Variants in IQSEC1 observed in about 807,000 individuals in gnomAD.
IQSEC1 encodes the protein IQ motif and Sec7 domain ArfGEF 1, also known as IQ motif and SEC7 domain-containing protein 1.
A neutral mutation model predicts 91.0 loss-of-function variants in IQSEC1; 31 were observed. That is an observed-to-expected ratio of 0.34 (90% CI 0.26 to 0.46). The LOEUF is 0.46. Among genes scored for constraint, IQSEC1 ranks in the 20% least tolerant of loss-of-function variants. The probability of loss-of-function intolerance (pLI) is 1.00; values close to 1 mark genes in which losing one functional copy is unlikely to be tolerated. For missense variants in IQSEC1, 1,388 were observed against 1,575.6 expected (o/e 0.88, Z 2.02); for synonymous variants, 699 against 662.6 (o/e 1.05, Z -0.84).
Position 12,909,535 on chromosome 3 carries a change from G to T in IQSEC1, c.2417-101C>A. ...ACAATGGTAGGGCTGAGTTGTGCGTGAGCCTGGGATAAGTGCCGGGAGTCC... is the reference window on the plus strand; with the variant it reads ...ACAATGGTAGGGCTGAGTTGTGCGTTAGCCTGGGATAAGTGCCGGGAGTCC... On this transcript the variant is annotated intron_variant, in intron 10 of 13. Transcript: ENST00000613206. This position sits in a 1 kb window ranked among gnomAD's most constrained non-coding sequence, Gnocchi z 4.9. 1 of 1,238,914 alleles carries T rather than the reference G, an allele frequency of 8.1e-7. No individual in the cohort carries two copies. The highest frequency in any genetic ancestry group is 1.1e-6 in the Non-Finnish European group (1 of 875,676). The allele number at this position is 1,238,914 out of a possible 1,614,324, so 76.7% of individuals were successfully genotyped here.
chr3:13,098,800 G>A (rs1706008251), intron 2 of IQSEC1, among the ~76,000 whole-genome samples: 1 of 152,224 alleles, frequency 6.6e-6, no homozygotes, highest in African/African-American at 2.4e-5. Context: ...TAGGGGAAGA[G>A]GAAGTGGGAA....
intron 1 of IQSEC1, among the ~76,000 whole-genome samples, chr3:12,965,533 C>A (rs577350635): frequency 9.8e-5 from 15 of 152,330 alleles, no homozygotes; most frequent in South Asian, 4.1e-4. Context: ...GAGGCTGATG[C>A]GTGAACTATG....
At chr3:13,055,661 AC>A (rs1370628838) in intron 1 of IQSEC1, among the ~76,000 whole-genome samples, 1 of 152,238 alleles carries the variant, frequency 6.6e-6, no homozygotes, top group Non-Finnish European at 1.5e-5. Context: ...AGAAAGTAAT[AC>A]CAGGAGATAG....
intron 1 of IQSEC1, among the ~76,000 whole-genome samples, chr3:12,998,669 G>A (rs1702310611): frequency 6.6e-6 from 1 of 152,126 alleles, no homozygotes; most frequent in African/African-American, 2.4e-5. Context: ...TAAAAAAAAA[G>A]AGGGGGTATA....
intron 2 of IQSEC1, among the ~76,000 whole-genome samples, chr3:13,125,458 C>T (rs1370456253): frequency 1.3e-5 from 2 of 152,214 alleles, no homozygotes; most frequent in East Asian, 1.9e-4. Flanking sequence ...CGGTCTGTCC[C>T]GGAGCAGGCG....
intron 1 of IQSEC1, among the ~76,000 whole-genome samples, chr3:13,027,696 A>G (rs370689644): frequency 6.6e-6 from 1 of 152,158 alleles, no homozygotes. Context: ...CCACGGTGAC[A>G]GGGACACAGG....
At chr3:13,157,166 A>G (rs1270043041) in intron 2 of IQSEC1, among the ~76,000 whole-genome samples, 5 of 152,224 alleles carry the variant, frequency 3.3e-5, no homozygotes, top group South Asian at 2.1e-4. Context: ...TTTGGTTGCA[A>G]TAGAAGCAGA....
At chr3:13,074,046 C>CT (rs1705519790), upstream of IQSEC1, among the ~76,000 whole-genome samples, 1 of 152,202 alleles carries the variant, frequency 6.6e-6, no homozygotes, top group Non-Finnish European at 1.5e-5. Context: ...ATGTGCCGGG[C>CT]AAGTATCTGC....
At position 12,940,246 on chromosome 3, in the gene IQSEC1, TGG is replaced by T. The variant is rs1698627109; in HGVS notation, c.318+1323_318+1324del. Among the ~76,000 whole-genome samples, 1 of 151,898 alleles carries T rather than the reference TGG, an allele frequency of 6.6e-6. No homozygotes were observed. The highest frequency in any genetic ancestry group is 6.6e-5 in the Admixed American group (1 of 15,238). ...GACAGCCAGGTGAGGAAGGGGCTGATGGGGGCTTCCCTGTCAAGAGAGTGGAC... is the reference window on the plus strand; with the variant it reads ...GACAGCCAGGTGAGGAAGGGGCTGATGGGCTTCCCTGTCAAGAGAGTGGAC... On this transcript the variant is annotated intron_variant, in intron 2 of 13. Transcript: ENST00000613206. The surrounding 1 kb of genome is among the most constrained non-coding windows in gnomAD (Gnocchi z 4.4).
intron 2 of IQSEC1, among the ~76,000 whole-genome samples, chr3:13,148,423 C>G (rs2124953575): frequency 6.6e-6 from 1 of 152,336 alleles, no homozygotes; most frequent in Middle Eastern, 3.4e-3. Context: ...TGCCACGAAT[C>G]AAATCATGAA....
At chr3:13,156,165 G>A (rs1707083091) in intron 2 of IQSEC1, among the ~76,000 whole-genome samples, 1 of 152,038 alleles carries the variant, frequency 6.6e-6, no homozygotes, top group Non-Finnish European at 1.5e-5. Context: ...CTGGGAGGCA[G>A]AGGTTGCAGT....
chr3:12,957,751 T>C (rs1368949266), intron 1 of IQSEC1, among the ~76,000 whole-genome samples: 2 of 152,154 alleles, frequency 1.3e-5, no homozygotes, highest in African/African-American at 4.8e-5. Flanking sequence ...TTTAGGTGCA[T>C]AGCAAAACTG....
At chr3:13,005,817 G>A (rs1702611789) in intron 1 of IQSEC1, among the ~76,000 whole-genome samples, 1 of 152,154 alleles carries the variant, frequency 6.6e-6, no homozygotes, top group African/African-American at 2.4e-5. Flanking sequence ...TTCTCAGCAA[G>A]GATTTGAGGG....
At chr3:13,118,410 A>C (rs750957607) in intron 2 of IQSEC1, among the ~76,000 whole-genome samples, 2 of 152,226 alleles carry the variant, frequency 1.3e-5, no homozygotes, top group African/African-American at 2.4e-5. Flanking sequence ...AAAACAGCCA[A>C]AGTGACCATT....
intron 3 of IQSEC1, among the ~76,000 whole-genome samples, chr3:12,925,625 G>A (rs999388876): frequency 3.3e-5 from 5 of 152,270 alleles, no homozygotes; most frequent in African/African-American, 1.2e-4. Context: ...TGGCCATGCA[G>A]GGCTGAGTGT....
In IQSEC1 at chr3:12,922,160, C is replaced by T; in HGVS notation, c.1813G>A (p.Gly605Arg). 1 of 1,610,762 alleles carries T rather than the reference C, an allele frequency of 6.2e-7. No homozygotes were observed. Among genetic ancestry groups the T allele is most frequent in the Non-Finnish European group, 8.5e-7 (1 of 1,177,798 alleles). ...RKFQAHIRVQGEAQKVERLIE... is the reference protein window; with the variant it reads ...RKFQAHIRVQREAQKVERLIE... ...AGCCGCTCCACTTTCTGAGCCTCCC[C>T]TTGGACACGGATGTGCGCCTGGAAT... The change falls in exon 5 of 14, where the codon GGG becomes AGG. Residue 605 changes from glycine (G) to arginine (R), a missense_variant. By Grantham distance (125) the Gly-to-Arg change is moderately radical. Coordinates refer to ENST00000613206, the MANE Select transcript of IQSEC1 (RefSeq NM_001134382.3). This position sits in a 1 kb window ranked among gnomAD's most constrained non-coding sequence, Gnocchi z 5.1.
At chr3:13,119,242 C>T (rs1706385859) in intron 2 of IQSEC1, among the ~76,000 whole-genome samples, 1 of 152,054 alleles carries the variant, frequency 6.6e-6, no homozygotes, top group Admixed American at 6.6e-5. Context: ...AAAGCATATG[C>T]CCATGTGAAC....
Position 12,899,984 on chromosome 3 carries a change from G to C in IQSEC1, c.*999C>G. On this transcript the variant is annotated 3_prime_UTR_variant, in exon 14 of 14. Transcript: ENST00000613206. ...GCATAAAAGAAACATGGATCATGGA[G>C]AGTCACAGTTATCGCAGCCATTAAA... 1 of 985,346 alleles carries C rather than the reference G, an allele frequency of 1.0e-6. No homozygotes were observed. The highest frequency in any genetic ancestry group is 1.2e-6 in the Non-Finnish European group (1 of 829,894). 61.0% of individuals were successfully genotyped at this position (985,346 alleles called of 1,614,324 possible).
At chr3:13,175,311 A>AT (rs1055808828) in intron 1 of IQSEC1, among the ~76,000 whole-genome samples, 2 of 152,298 alleles carry the variant, frequency 1.3e-5, no homozygotes, top group African/African-American at 4.8e-5. Context: ...TTAAGGGACT[A>AT]TACCTGCCTG....
Sources: allele counts gnomAD v4.1 joint callset (sites outside exome capture counted in the v4.1 genomes callset), GRCh38; gene constraint gnomAD v4.1.1; non-coding constraint Gnocchi (gnomAD v3.1); transcripts MANE v1.5; gene names NCBI Gene and HGNC (gene_info 2026-07-23, HGNC 2026-07-21).